The following PCDH15 variants were observed in gnomAD, a reference collection of about 807,000 sequenced individuals.
PCDH15 encodes protocadherin related 15, also known as protocadherin-15.
PCDH15 carries 129 observed loss-of-function variants against 178.5 expected under a neutral mutation model. The observed-to-expected ratio is 0.72, with a 90% CI of 0.63 to 0.84. The LOEUF (loss-of-function observed/expected upper bound fraction) is 0.84. Ranked by LOEUF, PCDH15 falls within the 40% of genes least tolerant of loss-of-function variation. PCDH15 has a pLI of 0.00. For synonymous variants in PCDH15, 800 were observed against 732.0 expected (o/e 1.09, Z -1.50); for missense variants, 2,230 against 2,099.9 (o/e 1.06, Z -1.21).
intron 13 of PCDH15, among the ~76,000 whole-genome samples, chr10:54,167,966 G>A (rs1366947213): frequency 6.7e-6 from 1 of 148,430 alleles, no homozygotes; most frequent in Non-Finnish European, 1.5e-5. Flanking sequence ...CCTTCCCTCT[G>A]TTTCCCTACT....
At chr10:54,321,475 A>G (rs1346311452) in intron 7 of PCDH15, among the ~76,000 whole-genome samples, 1 of 151,700 alleles carries the variant, frequency 6.6e-6, no homozygotes, top group African/African-American at 2.4e-5. Flanking sequence ...ATAAACACAC[A>G]TATATATGCA....
intron 2 of PCDH15, among the ~76,000 whole-genome samples, chr10:54,970,883 C>A (rs554665810): frequency 6.6e-6 from 1 of 152,264 alleles, no homozygotes; most frequent in African/African-American, 2.4e-5. Flanking sequence ...ATTACTAATT[C>A]TTCCTTTTGA....
intron 3 of PCDH15, among the ~76,000 whole-genome samples, chr10:54,864,442 A>C (rs980123877): frequency 6.6e-6 from 1 of 152,214 alleles, no homozygotes; most frequent in African/African-American, 2.4e-5. Context: ...AATAAAATAA[A>C]TGGGCTAAAA....
At chr10:53,901,008 A>G (rs1409612715) in intron 26 of PCDH15, among the ~76,000 whole-genome samples, 1 of 152,188 alleles carries the variant, frequency 6.6e-6, no homozygotes, top group Non-Finnish European at 1.5e-5. Flanking sequence ...TCTGACAGTC[A>G]ACGATCCTCT....
chr10:54,520,528 C>A (rs1468308309), intron 3 of PCDH15, among the ~76,000 whole-genome samples: 2 of 152,126 alleles, frequency 1.3e-5, no homozygotes, highest in Non-Finnish European at 2.9e-5. Flanking sequence ...CATCTCACAC[C>A]AGTTAGAATA....
chr10:54,396,038 TC>T (rs1951174845), intron 3 of PCDH15, among the ~76,000 whole-genome samples: 1 of 152,056 alleles, frequency 6.6e-6, no homozygotes, highest in Admixed American at 6.6e-5. Flanking sequence ...GAAGAAAAGC[TC>T]TCTGCCTCTA....
intron 2 of PCDH15, among the ~76,000 whole-genome samples, chr10:55,111,954 C>T (rs1281557450): frequency 6.6e-6 from 1 of 152,040 alleles, no homozygotes; most frequent in Non-Finnish European, 1.5e-5. Context: ...ATAAGGTATG[C>T]AAATAATAAT....
At chr10:54,377,529 T>C (rs771464359) in intron 4 of PCDH15, among the ~76,000 whole-genome samples, 1 of 152,136 alleles carries the variant, frequency 6.6e-6, no homozygotes, top group Non-Finnish European at 1.5e-5. Context: ...CATAGTAAAC[T>C]GTAGTAAAAT....
chr10:54,863,976 C>T (rs1463616713), intron 3 of PCDH15, among the ~76,000 whole-genome samples: 1 of 152,118 alleles, frequency 6.6e-6, no homozygotes, highest in Non-Finnish European at 1.5e-5. Flanking sequence ...ATTTAAAGCT[C>T]TTCTTGAAAA....
At chr10:53,914,359 C>T (rs1190001363) in intron 25 of PCDH15, among the ~76,000 whole-genome samples, 2 of 152,132 alleles carry the variant, frequency 1.3e-5, no homozygotes, top group South Asian at 2.1e-4. Flanking sequence ...GACTTCAAAC[C>T]CACCCAAATG....
chr10:55,333,505 C>G (rs570072252), intron 2 of PCDH15, among the ~76,000 whole-genome samples: 18 of 151,868 alleles, frequency 1.2e-4, no homozygotes, highest in Non-Finnish European at 2.5e-4. Flanking sequence ...AATCAGTAAA[C>G]AATTGGGAGA....
chr10:55,042,538 A>G (rs1840890034), intron 2 of PCDH15, among the ~76,000 whole-genome samples: 1 of 152,134 alleles, frequency 6.6e-6, no homozygotes, highest in Admixed American at 6.6e-5. Context: ...AGCAAGAGAC[A>G]TTATTTATGT....
At chr10:55,097,958 G>A (rs1008928532) in intron 2 of PCDH15, among the ~76,000 whole-genome samples, 2 of 151,964 alleles carry the variant, frequency 1.3e-5, no homozygotes, top group African/African-American at 4.8e-5. Context: ...ACCCTTAGAA[G>A]CAGACAAGAT....
intron 2 of PCDH15, among the ~76,000 whole-genome samples, chr10:54,907,413 T>A (rs981290706): frequency 2.6e-5 from 4 of 152,220 alleles, no homozygotes; most frequent in Non-Finnish European, 5.9e-5. Context: ...CTGCAAGCAC[T>A]ACAGCATTTT....
chr10:54,876,777 AGATG>A (rs1954152816), intron 3 of PCDH15, among the ~76,000 whole-genome samples: 1 of 152,206 alleles, frequency 6.6e-6, no homozygotes, highest in African/African-American at 2.4e-5. Flanking sequence ...TAGTTTCCTG[AGATG>A]GAAAATACTC....
intron 8 of PCDH15, among the ~76,000 whole-genome samples, chr10:54,248,366 G>A (rs1822838058): frequency 6.6e-6 from 1 of 151,910 alleles, no homozygotes; most frequent in African/African-American, 2.4e-5. Flanking sequence ...ATCTTATTTT[G>A]ATTTATTTAA....
intron 18 of PCDH15, among the ~76,000 whole-genome samples, chr10:54,040,120 A>G (rs2093509534): frequency 6.6e-6 from 1 of 152,060 alleles, no homozygotes. Context: ...ACTCTTAAAA[A>G]GTCATAATTA....
At chr10:55,458,965 C>T (rs4935593) in intron 2 of PCDH15, among the ~76,000 whole-genome samples, 116,234 of 151,832 alleles carry the variant, frequency 0.77, 45,852 homozygotes, top group East Asian at 0.99. Flanking sequence ...TGGACTATAA[C>T]ATTGAACGCA....
chr10:55,193,181 T>C lies in PCDH15; in HGVS notation c.-155-26530A>G, dbSNP rs560253744. Among the ~76,000 whole-genome samples the C allele has an allele frequency of 8.1e-4, 123 of 151,984 alleles. 1 individual carries two copies. The highest frequency in any genetic ancestry group is 5.7e-4 in the Non-Finnish European group (39 of 67,880). On this transcript the variant is annotated intron_variant, in intron 1 of 5. Transcript: ENST00000458638. ...CAGGAATTTTTCCCCTCACGAGTTA[T>C]GTCAGAAATTCTAGGGTGGCTTACG...
Sources: allele counts gnomAD v4.1 joint callset (sites outside exome capture counted in the v4.1 genomes callset), GRCh38; gene constraint gnomAD v4.1.1; transcripts MANE v1.5; gene names NCBI Gene and HGNC (gene_info 2026-07-23, HGNC 2026-07-21).